DNPEP: variants seen among roughly 807,000 people sequenced by gnomAD.
The protein encoded by DNPEP is aspartyl aminopeptidase.
In DNPEP, 46 loss-of-function variants were observed where a neutral mutation model predicts 59.1. The ratio of observed to expected loss-of-function variants is 0.78; its 90% confidence interval spans 0.61 to 0.99. The LOEUF is 0.99. DNPEP is among the 50% of genes least tolerant of loss of function. The pLI is 0.00. For synonymous variants in DNPEP, 229 were observed against 242.2 expected (o/e 0.95, Z 0.50); for missense variants, 617 against 649.9 (o/e 0.95, Z 0.55).
chr2:219,376,993 G>A (rs1413562372), intron 13 of DNPEP, among the ~76,000 whole-genome samples: 1 of 152,092 alleles, frequency 6.6e-6, no homozygotes, highest in Non-Finnish European at 1.5e-5. Context: ...TTAACTTGAG[G>A]CTAGGCACGG....
In DNPEP at chr2:219,386,909, T is replaced by A. The variant is rs776002043; in HGVS notation, c.202A>T (p.Ile68Phe). 10 of 1,580,932 alleles carry A rather than the reference T, an allele frequency of 6.3e-6. No individual in the cohort carries two copies. The highest frequency in any genetic ancestry group is 6.9e-6 in the Non-Finnish European group (8 of 1,152,564). Residue 68 changes from isoleucine to phenylalanine, a missense_variant, in exon 3 of 15, where the codon ATT becomes TTT. Coordinates refer to ENST00000273075, the MANE Select transcript of DNPEP (RefSeq NM_012100.4). Reference protein sequence around the residue: ...SELKETEKWNIKPESKYFMTR... With the variant: ...SELKETEKWNFKPESKYFMTR... ...CCCAGTACCTTGCTCTCGGGCTTAATATTCCATTTCTCAGTCTCCTTGAGT... is the reference window on the plus strand; with the variant it reads ...CCCAGTACCTTGCTCTCGGGCTTAAAATTCCATTTCTCAGTCTCCTTGAGT...
intron 10 of DNPEP, 145 bp downstream of exon 10, chr2:219,382,986 G>C (rs1179902510): frequency 3.2e-6 from 2 of 632,246 alleles, no homozygotes; most frequent in Admixed American, 2.6e-5. Flanking sequence ...AGTCAGAGGA[G>C]ACACCAAGTG....
chr2:219,384,489 A>T (rs372276024), intron 8 of DNPEP, 46 bp from the exon 9 acceptor site: 2 of 1,521,618 alleles, frequency 1.3e-6, no homozygotes, highest in African/African-American at 1.4e-5. Context: ...CTCCACCCCC[A>T]CTCACCTTTC....
chr2:219,397,012 C>G (rs1954108585), intron 1 of DNPEP, among the ~76,000 whole-genome samples: 1 of 152,220 alleles, frequency 6.6e-6, no homozygotes, highest in Non-Finnish European at 1.5e-5. Flanking sequence ...TTATGGAACA[C>G]TGTAAAACTG....
intron 13 of DNPEP, among the ~76,000 whole-genome samples, chr2:219,377,277 CA>C (rs386392672): frequency 0.015 from 987 of 65,832 alleles, 3 homozygotes; most frequent in African/African-American, 0.06. Context: ...CTCACTCTGT[CA>C]AAAAAAAAAA....
At chr2:219,380,413 G>A (rs1393319513) in intron 13 of DNPEP, among the ~76,000 whole-genome samples, 2 of 151,746 alleles carry the variant, frequency 1.3e-5, no homozygotes, top group Non-Finnish European at 2.9e-5. Flanking sequence ...GGTAGGATGG[G>A]GTTTCACCAT....
upstream of DNPEP, chr2:219,388,003 C>G (rs1448120372): frequency 3.3e-6 from 4 of 1,217,910 alleles, no homozygotes; most frequent in Non-Finnish European, 4.2e-6. Flanking sequence ...GTCAGCCCCG[C>G]CCCTCGGCGG....
upstream of DNPEP, among the ~76,000 whole-genome samples, chr2:219,388,258 A>T: frequency 4.3e-5 from 1 of 23,008 alleles, no homozygotes; most frequent in African/African-American, 1.8e-4. Flanking sequence ...GGTTTCCCCC[A>T]TCCGCTCCGG....
chr2:219,378,634 T>C (rs1441672211), intron 13 of DNPEP, among the ~76,000 whole-genome samples: 1 of 152,102 alleles, frequency 6.6e-6, no homozygotes, highest in Non-Finnish European at 1.5e-5. Flanking sequence ...AAATAGACAG[T>C]CATGCACTAC....
In DNPEP at chr2:219,374,071, T is replaced by TA. The variant is rs2125122365; in HGVS notation, c.*220dup. Reference sequence around the variant, plus strand: ...CAGAGAAGAGATTTAAAACCAGATTTAAAACCATCAGCTCCCAGGAGTGTG... The same window carrying TA: ...CAGAGAAGAGATTTAAAACCAGATTTAAAAACCATCAGCTCCCAGGAGTGTG... On this transcript the variant is annotated 3_prime_UTR_variant, in exon 15 of 15. Coordinates refer to ENST00000273075, the MANE Select transcript of DNPEP (RefSeq NM_012100.4). The TA allele has an allele frequency of 1.9e-6, 1 of 531,536 alleles. No homozygotes were observed. The highest frequency in any genetic ancestry group is 3.4e-6 in the Non-Finnish European group (1 of 296,640). The allele number at this position is 531,536 out of a possible 1,614,324, so 32.9% of individuals were successfully genotyped here. A position where few individuals can be genotyped will look rare whatever the true frequency, so the allele number is the denominator to read the frequency against.
chr2:219,385,701 G>A lies in DNPEP; in HGVS notation c.596C>T (p.Pro199Leu), dbSNP rs1953784325. The A allele has an allele frequency of 1.2e-6, 2 of 1,602,102 alleles. No homozygotes were observed. The highest frequency in any genetic ancestry group is 1.7e-6 in the Non-Finnish European group (2 of 1,173,896). The change falls in exon 7 of 15, where the codon CCC (proline) becomes CTC (leucine). Residue 199 changes from proline to leucine, a missense_variant. Pro to Leu is a moderately conservative substitution (Grantham distance 98, BLOSUM62 -3). Transcript: ENST00000273075. ...FGPNTEMHLV[P>L]ILATAIQEEL... Reference sequence around the variant, plus strand: ...CTCCTGGATGGCTGTGGCAAGAATGGGGACTCTGTGGGGAGACGTGGGTTG... The same window carrying A: ...CTCCTGGATGGCTGTGGCAAGAATGAGGACTCTGTGGGGAGACGTGGGTTG...
At chr2:219,387,361 A>G (rs969667599) in intron 1 of DNPEP, 198 bp from the exon 2 acceptor site, 2 of 1,440,756 alleles carry the variant, frequency 1.4e-6, no homozygotes, top group Middle Eastern at 2.6e-4. Context: ...GCCCAGGATC[A>G]TGAGCCAGGC....
rs780003042 is a variant in DNPEP, at chr2:219,374,917, TG to T, written c.1344del (p.Met449CysfsTer30). The T allele has an allele frequency of 1.2e-6, 2 of 1,614,034 alleles. No homozygotes were observed. The highest frequency in any genetic ancestry group is 3.3e-5 in the Admixed American group (2 of 59,998). On this transcript the variant is annotated frameshift_variant, in exon 14 of 15. Transcript: ENST00000273075. LOFTEE classifies it high-confidence loss of function. ...RVLDLGSPQL[A>X]MHSIREMACT... ...CAGGCCATCTCCCGGATAGAGTGCATGGCCAGTTGGGGGCTGCCTAAATCCA... is the reference window on the plus strand; with the variant it reads ...CAGGCCATCTCCCGGATAGAGTGCATGCCAGTTGGGGGCTGCCTAAATCCA...
At chr2:219,386,456 T>C (rs2271457) in intron 4 of DNPEP, 45 bp from the exon 5 acceptor site, 1,564,647 of 1,612,792 alleles carry the variant, frequency 0.97, 762,654 homozygotes, top group Non-Finnish European at 0.99. Context: ...CATGACGATA[T>C]GTGGAGATGA....
upstream of DNPEP, among the ~76,000 whole-genome samples, chr2:219,388,190 T>G (rs1244382611): frequency 8.4e-6 from 1 of 119,726 alleles, no homozygotes; most frequent in East Asian, 2.6e-4. Flanking sequence ...AGCTTCCTCG[T>G]CCGCCCCGCC....
Position 219,386,324 on chromosome 2 carries a change from C to T in DNPEP, c.421G>A (p.Asp141Asn). 2.5e-6 allele frequency: 4 copies of T among 1,614,210 alleles called. No individual in the cohort carries two copies. The highest frequency in any genetic ancestry group is 3.4e-6 in the Non-Finnish European group (4 of 1,180,034). Residue 141 changes from aspartate to asparagine, a missense_variant, in exon 5 of 15, where the codon GAC becomes AAC. Transcript: ENST00000273075. ...YGGGIWSTWF[D>N]RDLTLAGRVI... ...CGTCCAGCCAGAGTCAGGTCACGGT[C>T]AAACCAGGTGCTCCAGATCCCACCA...
intron 11 of DNPEP, 93 bp downstream of exon 11, chr2:219,381,886 A>T (rs1006058628): frequency 6.8e-7 from 1 of 1,465,496 alleles, no homozygotes; most frequent in South Asian, 1.2e-5. Flanking sequence ...GAAGGGAGAA[A>T]GGAAGAGGCT....
chr2:219,399,011 C>T (rs1450371471), intron 1 of DNPEP, among the ~76,000 whole-genome samples: 3 of 152,344 alleles, frequency 2.0e-5, no homozygotes, highest in African/African-American at 7.2e-5. Context: ...ACTTTCAGTT[C>T]GTATTTCTAG....
intron 1 of DNPEP, chr2:219,387,532 G>A: frequency 2.1e-6 from 3 of 1,449,850 alleles, no homozygotes; most frequent in South Asian, 2.9e-5. Flanking sequence ...CGGAGCCAAA[G>A]CCCTGTACCC....
Sources: allele counts gnomAD v4.1 joint callset (sites outside exome capture counted in the v4.1 genomes callset), GRCh38; gene constraint gnomAD v4.1.1; transcripts MANE v1.5; gene names NCBI Gene and HGNC (gene_info 2026-07-23, HGNC 2026-07-21).